The following KDM4C variants were observed in gnomAD, a reference collection of about 807,000 sequenced individuals.
The protein encoded by KDM4C is lysine-specific demethylase 4C.
Under a neutral mutation model 129.3 loss-of-function variants are expected in KDM4C, and 81 were observed. That is an observed-to-expected ratio of 0.63 (90% CI 0.52 to 0.75). The LOEUF (loss-of-function observed/expected upper bound fraction) is 0.75, where lower values mean the gene tolerates loss of function less well. Among genes scored for constraint, KDM4C ranks in the 30% least tolerant of loss-of-function variants. The probability of loss-of-function intolerance (pLI) is 0.00; values close to 1 mark genes in which losing one functional copy is unlikely to be tolerated. For missense variants in KDM4C, 1,457 were observed against 1,304.0 expected, an observed-to-expected ratio of 1.12 and a Z score of -1.81; for synonymous variants, 573 against 456.1, an observed-to-expected ratio of 1.26 and a Z score of -3.26.
At chr9:6,725,494 T>G (rs570090731) in intron 1 of KDM4C, among the ~76,000 whole-genome samples, 1 of 152,114 alleles carries the variant, frequency 6.6e-6, no homozygotes. Context: ...TTATTTTTAT[T>G]TTTATTTTTT....
chr9:7,075,158 G>T (rs1397761776), intron 17 of KDM4C, among the ~76,000 whole-genome samples: 1 of 152,178 alleles, frequency 6.6e-6, no homozygotes, highest in Non-Finnish European at 1.5e-5. Context: ...CTGCAGTCAG[G>T]TGTTTTGTTC....
chr9:7,110,768 T>A (rs745838992), intron 18 of KDM4C, among the ~76,000 whole-genome samples: 14 of 152,204 alleles, frequency 9.2e-5, no homozygotes, highest in African/African-American at 3.4e-4. Context: ...TCTCAGAAAC[T>A]GACTTCATCC....
At chr9:7,055,122 G>A (rs560087352) in intron 17 of KDM4C, among the ~76,000 whole-genome samples, 5 of 152,184 alleles carry the variant, frequency 3.3e-5, no homozygotes, top group Middle Eastern at 3.4e-3. Context: ...AAGTTGCAGT[G>A]AACCGAGATG....
At chr9:6,748,435 AG>A (rs1279323427) in intron 1 of KDM4C, among the ~76,000 whole-genome samples, 1 of 151,252 alleles carries the variant, frequency 6.6e-6, no homozygotes, top group Non-Finnish European at 1.5e-5. Flanking sequence ...TGAACCTGGG[AG>A]GTGGAGGTTG....
chr9:6,819,886 GT>G (rs1275653915), intron 4 of KDM4C, among the ~76,000 whole-genome samples: 1 of 152,124 alleles, frequency 6.6e-6, no homozygotes, highest in Non-Finnish European at 1.5e-5. Context: ...CCAAGAACTG[GT>G]TTCTCGTGGT....
intron 19 of KDM4C, among the ~76,000 whole-genome samples, chr9:7,161,320 C>T (rs1280304551): frequency 6.6e-6 from 1 of 152,180 alleles, no homozygotes; most frequent in African/African-American, 2.4e-5. Context: ...CTTCAGCTTG[C>T]CCTCTGTGGG....
At chr9:7,122,265 A>ACACACTCTCTCTCTCTCTCT (rs375655422) in intron 18 of KDM4C, among the ~76,000 whole-genome samples, 3 of 144,714 alleles carry the variant, frequency 2.1e-5, no homozygotes, top group East Asian at 2.1e-4. Context: ...ACACACACAC[A>ACACACTCTCTCTCTCTCTCT]CTCTCTCTCT....
In KDM4C at chr9:7,005,529, G is replaced by T. The variant is rs1177582025; in HGVS notation, c.1787-6169G>T. On this transcript the variant is annotated intron_variant, in intron 12 of 21. Transcript: ENST00000381309. Reference sequence around the variant, plus strand: ...TCTACTCTAATTTATTTAACTAAAGGTAAGGGGACTAGGCTGCCTTCAGCC... The same window carrying T: ...TCTACTCTAATTTATTTAACTAAAGTTAAGGGGACTAGGCTGCCTTCAGCC... Among the ~76,000 whole-genome samples the T allele has an allele frequency of 6.2e-3, 947 of 151,988 alleles. 10 individuals carry two copies. Among genetic ancestry groups the T allele is most frequent in the African/African-American group, 0.022 (910 of 41,394 alleles).
At chr9:7,172,644 G>T (rs1036631168) in intron 21 of KDM4C, among the ~76,000 whole-genome samples, 10 of 152,234 alleles carry the variant, frequency 6.6e-5, no homozygotes, top group African/African-American at 2.4e-4. Context: ...GGGAAGCCGT[G>T]GAGGTGGCCT....
intron 8 of KDM4C, among the ~76,000 whole-genome samples, chr9:6,914,403 AAGAC>A (rs1201463268): frequency 1.3e-5 from 2 of 152,138 alleles, no homozygotes; most frequent in African/African-American, 4.8e-5. Context: ...AGCATTGTCT[AAGAC>A]AGTAACAGAT....
At chr9:7,114,865 G>A (rs1201710760) in intron 18 of KDM4C, among the ~76,000 whole-genome samples, 1 of 152,106 alleles carries the variant, frequency 6.6e-6, no homozygotes, top group African/African-American at 2.4e-5. Flanking sequence ...CAGCACTTTG[G>A]GAGGCCGAGG....
At chr9:6,725,840 G>T (rs1287531729) in intron 1 of KDM4C, among the ~76,000 whole-genome samples, 1 of 150,450 alleles carries the variant, frequency 6.6e-6, no homozygotes, top group African/African-American at 2.4e-5. Flanking sequence ...CTCCCAAGTA[G>T]CTGGGATTAC....
At chr9:6,814,847 GA>G in intron 4 of KDM4C, 102 bp downstream of exon 4, 1 of 594,712 alleles carries the variant, frequency 1.7e-6, no homozygotes, top group South Asian at 3.3e-5. Flanking sequence ...GCTTTTGGGT[GA>G]TCCATAATTC....
chr9:7,116,929 T>C (rs1838963540), intron 18 of KDM4C, among the ~76,000 whole-genome samples: 1 of 152,206 alleles, frequency 6.6e-6, no homozygotes, highest in Non-Finnish European at 1.5e-5. Flanking sequence ...AGTGTATCAA[T>C]GTAGATAAGA....
chr9:6,915,682 A>G (rs1345739193), intron 8 of KDM4C, among the ~76,000 whole-genome samples: 2 of 152,148 alleles, frequency 1.3e-5, no homozygotes, highest in Admixed American at 1.3e-4. Flanking sequence ...TGCTACAACA[A>G]TTTGTATATT....
chr9:6,978,045 T>C (rs1426507755), intron 8 of KDM4C, among the ~76,000 whole-genome samples: 1 of 152,194 alleles, frequency 6.6e-6, no homozygotes, highest in African/African-American at 2.4e-5. Flanking sequence ...CTTTTAAAAA[T>C]AGGCACTTAT....
intron 1 of KDM4C, among the ~76,000 whole-genome samples, chr9:6,776,234 C>G (rs376192877): frequency 6.6e-5 from 10 of 152,246 alleles, no homozygotes; most frequent in African/African-American, 2.4e-4. Flanking sequence ...ACAGGCTTTA[C>G]AGGTGTATGC....
chr9:6,806,332 T>G (rs574228640), intron 3 of KDM4C, among the ~76,000 whole-genome samples: 13 of 151,910 alleles, frequency 8.6e-5, no homozygotes, highest in African/African-American at 3.1e-4. Context: ...TTGTCTCCAC[T>G]AAAACTACAA....
chr9:6,832,824 T>G (rs1018987320), intron 4 of KDM4C, among the ~76,000 whole-genome samples: 14 of 151,048 alleles, frequency 9.3e-5, no homozygotes, highest in African/African-American at 3.4e-4. Flanking sequence ...GCCTCCTGAG[T>G]TCAAGGGATT....
Sources: gnomAD v4.1 joint callset for allele counts (sites outside exome capture counted in the v4.1 genomes callset) on GRCh38, gnomAD v4.1.1 for gene constraint, MANE v1.5 for transcripts, NCBI Gene and HGNC (gene_info 2026-07-23, HGNC 2026-07-21) for gene names.